Variants in DLGAP1 observed in about 807,000 individuals in gnomAD.
DLGAP1 encodes DLG associated protein 1.
In DLGAP1, 11 loss-of-function variants were observed where a neutral mutation model predicts 90.8. The observed-to-expected ratio is 0.12, with a 90% CI of 0.08 to 0.20. The LOEUF (loss-of-function observed/expected upper bound fraction) is 0.20. Ranked by LOEUF, DLGAP1 falls within the 10% of genes least tolerant of loss-of-function variation. The pLI, the probability that DLGAP1 is intolerant of heterozygous loss-of-function variation, is 1.00. For missense variants in DLGAP1, 1,050 were observed against 1,333.8 expected, an observed-to-expected ratio of 0.79 and a Z score of 3.31; for synonymous variants, 558 against 540.7, an observed-to-expected ratio of 1.03 and a Z score of -0.44.
At chr18:3,628,981 T>C (rs963514497) in intron 7 of DLGAP1, among the ~76,000 whole-genome samples, 1 of 152,220 alleles carries the variant, frequency 6.6e-6, no homozygotes, top group Non-Finnish European at 1.5e-5. Context: ...AAGACTTTTC[T>C]AGAAAATGTT....
chr18:4,437,895 T>C (rs1249544042), intron 1 of DLGAP1, among the ~76,000 whole-genome samples: 1 of 152,110 alleles, frequency 6.6e-6, no homozygotes, highest in Non-Finnish European at 1.5e-5. Flanking sequence ...TTATAACATA[T>C]AGTAAATATG....
At chr18:3,752,903 T>G (rs1164147347) in intron 5 of DLGAP1, among the ~76,000 whole-genome samples, 1 of 152,144 alleles carries the variant, frequency 6.6e-6, no homozygotes, top group East Asian at 1.9e-4. Flanking sequence ...CGTATGAATA[T>G]ACACCAAAAT....
At chr18:3,989,555 C>T (rs1010132551) in intron 3 of DLGAP1, among the ~76,000 whole-genome samples, 1 of 146,354 alleles carries the variant, frequency 6.8e-6, no homozygotes, top group African/African-American at 2.4e-5. Flanking sequence ...ATTAACCATC[C>T]ATCCAAGACT....
intron 11 of DLGAP1, among the ~76,000 whole-genome samples, chr18:3,504,585 A>G (rs1208712133): frequency 6.6e-6 from 1 of 151,730 alleles, no homozygotes; most frequent in Non-Finnish European, 1.5e-5. Context: ...GGGGTCTCAC[A>G]TTGTTGCTCA....
intron 2 of DLGAP1, among the ~76,000 whole-genome samples, chr18:4,117,373 T>A: frequency 2.6e-5 from 4 of 152,220 alleles, no homozygotes; most frequent in Non-Finnish European, 5.9e-5. Context: ...AACTGGAACT[T>A]TTGCATAATA....
At position 3,977,081 on chromosome 18, in the gene DLGAP1, T is replaced by A. The variant is rs575046353; in HGVS notation, c.-73+28035A>T. ...TTCTTCTCATTTTATTTATTTATTT[T>A]TATTCATTTTTAAGACAGAGTCTCA... On this transcript the variant is annotated intron_variant, in intron 3 of 12. Coordinates refer to ENST00000315677, the MANE Select transcript of DLGAP1 (RefSeq NM_004746.4). Among the ~76,000 whole-genome samples the A allele has an allele frequency of 4.4e-4, 67 of 152,280 alleles. 1 individual carries two copies. The highest frequency in any genetic ancestry group is 1.6e-3 in the African/African-American group (66 of 41,564).
chr18:3,852,795 T>C lies in DLGAP1; in HGVS notation c.957+26317A>G, dbSNP rs943965181. Among the ~76,000 whole-genome samples the C allele has an allele frequency of 4.6e-5, 7 of 152,292 alleles. No homozygotes were observed. In the South Asian group the frequency reaches 8.3e-4, roughly 18 times the overall value. On this transcript the variant is annotated intron_variant, in intron 4 of 12. Transcript: ENST00000315677. ...TTTAATCTTTAAGCACTGAGAGTTA[T>C]GTGAATATCTTTTCCAAAGTTAACC...
chr18:4,126,579 G>T (rs2076236585), intron 2 of DLGAP1, among the ~76,000 whole-genome samples: 1 of 152,142 alleles, frequency 6.6e-6, no homozygotes, highest in South Asian at 2.1e-4. Context: ...TTATATGCAG[G>T]TAGATATATT....
intron 9 of DLGAP1, among the ~76,000 whole-genome samples, chr18:3,540,469 CAAAAAAAAA>C (rs60740209): frequency 1.3e-3 from 77 of 58,020 alleles, no homozygotes; most frequent in Admixed American, 3.3e-3. Context: ...GGCCCTGTGT[CAAAAAAAAA>C]AAAAAAAAAA....
At chr18:3,813,365 A>C (rs900350416) in intron 5 of DLGAP1, among the ~76,000 whole-genome samples, 3 of 152,220 alleles carry the variant, frequency 2.0e-5, no homozygotes, top group African/African-American at 7.2e-5. Context: ...ATATAGCCTA[A>C]GTGTGTAATA....
chr18:4,005,408 T>C (rs2074279676), intron 2 of DLGAP1: 1 of 152,244 alleles, frequency 6.6e-6, no homozygotes, highest in South Asian at 2.1e-4. Flanking sequence ...TTTTTTCCTC[T>C]AAACATCTTT....
chr18:3,711,212 A>T lies in DLGAP1; in HGVS notation c.1591+17923T>A, dbSNP rs182071143. 6.6e-6 allele frequency among the ~76,000 whole-genome samples: 1 copy of T among 152,228 alleles called. No individual in the cohort carries two copies. Among genetic ancestry groups the T allele is most frequent in the African/African-American group, 2.4e-5 (1 of 41,458 alleles). ...GCCAAGGGCATATCCTTGTTGTTTCAGGCATTTAAATCTGATAAGAACTTG... is the reference window on the plus strand; with the variant it reads ...GCCAAGGGCATATCCTTGTTGTTTCTGGCATTTAAATCTGATAAGAACTTG... On this transcript the variant is annotated intron_variant, in intron 7 of 12. Transcript: ENST00000315677. This position sits in a 1 kb window ranked among gnomAD's most constrained non-coding sequence, Gnocchi z 4.0.
At chr18:3,741,354 C>G (rs963631248) in intron 6 of DLGAP1, among the ~76,000 whole-genome samples, 1 of 145,070 alleles carries the variant, frequency 6.9e-6, no homozygotes, top group African/African-American at 2.7e-5. Flanking sequence ...ACCACCACCA[C>G]CACATCACCA....
intron 1 of DLGAP1, among the ~76,000 whole-genome samples, chr18:4,269,352 A>ATT (rs1354735064): frequency 1.6e-3 from 214 of 131,226 alleles, no homozygotes; most frequent in South Asian, 9.5e-3. Context: ...ATATATATAT[A>ATT]TATTTTTTTT....
rs752248864 is a variant in DLGAP1 at position 4,139,864 on chromosome 18, CCTT to C, written c.-159+11313_-159+11315del. Among the ~76,000 whole-genome samples, 109 of 151,794 alleles carry C rather than the reference CCTT, an allele frequency of 7.2e-4. 1 individual carries two copies. Among genetic ancestry groups the C allele is most frequent in the Non-Finnish European group, 6.9e-4 (47 of 67,824 alleles). On this transcript the variant is annotated intron_variant, in intron 2 of 12. Coordinates refer to ENST00000315677, the MANE Select transcript of DLGAP1 (RefSeq NM_004746.4). ...TGAACCCTTTATGATTAAATAATAA[CCTT>C]CTTTATTTCTTTTTAGAGCTTTTTG... is the stretch of plus-strand genomic sequence containing the variant.
chr18:4,444,533 A>G (rs1225698085), intron 1 of DLGAP1, among the ~76,000 whole-genome samples: 1 of 152,208 alleles, frequency 6.6e-6, no homozygotes, highest in Non-Finnish European at 1.5e-5. Context: ...ATGAGTACAA[A>G]GTCCAGGTTG....
At chr18:3,620,342 C>T (rs1197723884) in intron 7 of DLGAP1, among the ~76,000 whole-genome samples, 1 of 151,806 alleles carries the variant, frequency 6.6e-6, no homozygotes, top group Non-Finnish European at 1.5e-5. Context: ...TCTAGAAGCC[C>T]GAAAAGGACA....
At chr18:4,226,754 A>T (rs2078198639) in intron 1 of DLGAP1, among the ~76,000 whole-genome samples, 1 of 151,582 alleles carries the variant, frequency 6.6e-6, no homozygotes, top group African/African-American at 2.4e-5. Context: ...ACAAGAGAAA[A>T]TGACCTTCAC....
chr18:3,741,191 C>G (rs1257710398), intron 6 of DLGAP1, among the ~76,000 whole-genome samples: 1 of 113,838 alleles, frequency 8.8e-6, no homozygotes, highest in Non-Finnish European at 1.9e-5. Flanking sequence ...ACCACCACCA[C>G]CACCACCAAA....
Sources: gnomAD v4.1 joint callset for allele counts (sites outside exome capture counted in the v4.1 genomes callset) on GRCh38, gnomAD v4.1.1 for gene constraint, Gnocchi (gnomAD v3.1) non-coding constraint, MANE v1.5 for transcripts, NCBI Gene and HGNC (gene_info 2026-07-23, HGNC 2026-07-21) for gene names.